Variants in CEP295 observed in about 807,000 individuals in gnomAD.
CEP295 encodes centrosomal protein of 295 kDa.
In CEP295, 190 loss-of-function variants were observed where a neutral mutation model predicts 291.6. That is an observed-to-expected ratio of 0.65 (90% CI 0.58 to 0.73). CEP295 has a LOEUF of 0.73. Among genes scored for constraint, CEP295 ranks in the 30% least tolerant of loss-of-function variants. The probability of loss-of-function intolerance (pLI) is 0.00; values close to 1 mark genes in which losing one functional copy is unlikely to be tolerated. For missense variants in CEP295, 2,863 were observed against 2,949.4 expected, an observed-to-expected ratio of 0.97 and a Z score of 0.68; for synonymous variants, 993 against 1,038.8, an observed-to-expected ratio of 0.96 and a Z score of 0.85.
At chr11:93,681,986 G>A (rs1950997879) in intron 7 of CEP295, among the ~76,000 whole-genome samples, 1 of 152,028 alleles carries the variant, frequency 6.6e-6, no homozygotes, top group Non-Finnish European at 1.5e-5. Flanking sequence ...GTTAGTGGTA[G>A]TGGTCATTGT....
rs61746125 is a variant in CEP295, at chr11:93,698,698, A to C, written c.3786A>C (p.Ala1262=). 1.2e-5 allele frequency: 18 copies of C among 1,551,172 alleles called. No homozygotes were observed. Among genetic ancestry groups the C allele is most frequent in the Non-Finnish European group, 1.5e-5 (17 of 1,147,072 alleles). Residue 1262 remains alanine (A), a synonymous_variant, in exon 15 of 30, where the codon GCA becomes GCC. Coordinates refer to ENST00000325212, the MANE Select transcript of CEP295 (RefSeq NM_033395.2). ...PLQDNLEEHQ[A]WLDTEKEAFH... is the part of the protein sequence containing the mutation. ...AAGATAATTTGGAGGAACACCAAGC[A>C]TGGCTAGACACTGAGAAAGAAGCCT...
intron 5 of CEP295, among the ~76,000 whole-genome samples, chr11:93,672,323 T>G (rs1208667341): frequency 2.0e-5 from 3 of 152,208 alleles, no homozygotes; most frequent in East Asian, 3.9e-4. Context: ...AAGTTTGTAT[T>G]GAAAACCCTG....
At chr11:93,708,567 G>C (rs1952677859) in intron 18 of CEP295, among the ~76,000 whole-genome samples, 1 of 152,066 alleles carries the variant, frequency 6.6e-6, no homozygotes, top group Non-Finnish European at 1.5e-5. Context: ...TGGACACTTA[G>C]GTTGCTTCCA....
At chr11:93,694,662 G>T (rs1591050235) in intron 12 of CEP295, among the ~76,000 whole-genome samples, 1 of 152,344 alleles carries the variant, frequency 6.6e-6, no homozygotes, top group Middle Eastern at 3.4e-3. Flanking sequence ...GCCTGGTCCA[G>T]TTTACAGCAT....
chr11:93,683,940 G>T (rs1007171036), intron 8 of CEP295, 24 bp from the exon 9 acceptor site: 1 of 1,535,950 alleles, frequency 6.5e-7, no homozygotes, highest in Non-Finnish European at 8.8e-7. Context: ...GAATGGAAAC[G>T]TGTCTCTATT....
At chr11:93,664,695 A>G (rs543601880) in intron 1 of CEP295, among the ~76,000 whole-genome samples, 1 of 152,328 alleles carries the variant, frequency 6.6e-6, no homozygotes, top group Admixed American at 6.5e-5. Context: ...TAAAATGGTG[A>G]ATAAGTCCAT....
chr11:93,717,953 C>A (rs147271583), intron 18 of CEP295, among the ~76,000 whole-genome samples: 31 of 152,336 alleles, frequency 2.0e-4, no homozygotes, highest in African/African-American at 7.5e-4. Context: ...GCTCTATCAC[C>A]TAGGCTAGAG....
At chr11:93,706,988 G>A (rs778486545) in intron 18 of CEP295, 91 bp downstream of exon 18, 9 of 1,146,098 alleles carry the variant, frequency 7.9e-6, no homozygotes, top group Non-Finnish European at 8.4e-6. Flanking sequence ...GTGAAAAATG[G>A]TAAATAAACT....
chr11:93,729,416 C>T lies in CEP295; in HGVS notation c.7303-18C>T. On this transcript the variant is annotated intron_variant, in intron 25 of 29. Transcript: ENST00000325212. ...AAGCGTTTAAAAAGAGTAAAACATG[C>T]AACTTTCTTGCCATTAGGTGAGTGA... 7.3e-6 allele frequency: 11 copies of T among 1,509,306 alleles called. No homozygotes were observed. Among genetic ancestry groups the T allele is most frequent in the Non-Finnish European group, 9.9e-6 (11 of 1,108,488 alleles). 93.5% of individuals were successfully genotyped at this position (1,509,306 alleles called of 1,614,324 possible).
At chr11:93,721,576 G>T (rs746694894) in intron 19 of CEP295, 164 bp downstream of exon 19, 1 of 765,574 alleles carries the variant, frequency 1.3e-6, no homozygotes, top group Non-Finnish European at 2.4e-6. Flanking sequence ...CTGAGCATCA[G>T]AAGTCTTTCC....
At chr11:93,706,217 G>C (rs1455969613) in intron 17 of CEP295, among the ~76,000 whole-genome samples, 2 of 152,112 alleles carry the variant, frequency 1.3e-5, no homozygotes, top group East Asian at 3.9e-4. Context: ...TATTCCTTTT[G>C]TAGTAGTGCC....
intron 12 of CEP295, among the ~76,000 whole-genome samples, chr11:93,694,882 T>C (rs1190547219): frequency 6.6e-6 from 1 of 152,214 alleles, no homozygotes; most frequent in African/African-American, 2.4e-5. Context: ...AGGTGCTGGA[T>C]TTGGCAGGCT....
At chr11:93,693,469 T>C (rs1008590338) in intron 12 of CEP295, among the ~76,000 whole-genome samples, 1 of 152,128 alleles carries the variant, frequency 6.6e-6, no homozygotes, top group Non-Finnish European at 1.5e-5. Flanking sequence ...ATAAATACTT[T>C]CTCAGGCCAG....
rs748372927 is a variant in CEP295, at chr11:93,723,052, G to A, written c.5959G>A (p.Glu1987Lys). The change falls in exon 21 of 30, where the codon GAG becomes AAG. Residue 1987 changes from glutamate (E) to lysine (K), a missense_variant. By Grantham distance (56) the Glu-to-Lys change is moderately conservative (BLOSUM62 1). Coordinates refer to ENST00000325212, the MANE Select transcript of CEP295 (RefSeq NM_033395.2). ...AACTCAATTTTCAGAGTCATTTTCAGAGCACATGGATGATAGCAAGCAAGA... is the reference window on the plus strand; with the variant it reads ...AACTCAATTTTCAGAGTCATTTTCAAAGCACATGGATGATAGCAAGCAAGA... ...LSLTDPESFSEHMDDSKQEST... is the reference protein window; with the variant it reads ...LSLTDPESFSKHMDDSKQEST... 1.6e-5 allele frequency: 25 copies of A among 1,549,870 alleles called. No homozygotes were observed. The highest frequency in any genetic ancestry group is 2.0e-5 in the Non-Finnish European group (23 of 1,146,354).
intron 1 of CEP295, among the ~76,000 whole-genome samples, chr11:93,663,912 A>C (rs1240284442): frequency 6.6e-6 from 1 of 152,156 alleles, no homozygotes; most frequent in African/African-American, 2.4e-5. Context: ...ACTTGTCTAA[A>C]CCATCATACA....
rs1455987522 is a variant in CEP295, at chr11:93,661,726, C to G, written c.-75C>G. On this transcript the variant is annotated 5_prime_UTR_variant, in exon 1 of 30. Transcript: ENST00000325212. ...AGCTGATGGGCAGGAGCTTACCAGG[C>G]TGGCTTGCTCTGAGCTGCGGTTACT... 2 of 152,742 alleles carry G rather than the reference C, an allele frequency of 1.3e-5. No homozygotes were observed. The highest frequency in any genetic ancestry group is 2.9e-5 in the Non-Finnish European group (2 of 68,108). 9.5% of individuals were successfully genotyped at this position (152,742 alleles called of 1,614,324 possible). A position where few individuals can be genotyped will look rare whatever the true frequency, so the allele number is the denominator to read the frequency against.
At chr11:93,708,499 G>A (rs1377873901) in intron 18 of CEP295, among the ~76,000 whole-genome samples, 1 of 151,942 alleles carries the variant, frequency 6.6e-6, no homozygotes, top group East Asian at 1.9e-4. Flanking sequence ...CCTTTTTATG[G>A]CTGAATTGTA....
At chr11:93,717,039 A>G (rs567688193) in intron 18 of CEP295, among the ~76,000 whole-genome samples, 1 of 152,362 alleles carries the variant, frequency 6.6e-6, no homozygotes, top group African/African-American at 2.4e-5. Flanking sequence ...GGGAGAGTCT[A>G]CAGAGCACAT....
intron 20 of CEP295, chr11:93,722,793 C>G (rs1027805800): frequency 3.0e-6 from 1 of 338,298 alleles, no homozygotes; most frequent in East Asian, 5.6e-5. Context: ...GAGTCTTGCT[C>G]TGTTGCCAGG....
Sources: gnomAD v4.1 joint callset for allele counts (sites outside exome capture counted in the v4.1 genomes callset) on GRCh38, gnomAD v4.1.1 for gene constraint, MANE v1.5 for transcripts, NCBI Gene and HGNC (gene_info 2026-07-23, HGNC 2026-07-21) for gene names.